ABHD8: variants seen among roughly 807,000 people sequenced by gnomAD.
The protein encoded by ABHD8 is abhydrolase domain containing 8.
A neutral mutation model predicts 29.3 loss-of-function variants in ABHD8; 10 were observed. The observed-to-expected ratio is 0.34, with a 90% confidence interval of 0.21 to 0.58. The LOEUF (loss-of-function observed/expected upper bound fraction) is 0.58, where lower values mean the gene tolerates loss of function less well. ABHD8 is among the 20% of genes least tolerant of loss of function. The probability of loss-of-function intolerance (pLI) is 0.85; values close to 1 mark genes in which losing one functional copy is unlikely to be tolerated. For synonymous variants in ABHD8, 282 were observed against 274.6 expected (o/e 1.03, Z -0.27); for missense variants, 556 against 615.3 (o/e 0.90, Z 1.02).
Position 17,294,236 on chromosome 19 carries a change from G to A in ABHD8, c.1149+52C>T, listed in dbSNP as rs1009034203. 3.8e-6 allele frequency: 6 copies of A among 1,570,812 alleles called. No homozygotes were observed. In the African/African-American group the frequency reaches 5.4e-5, roughly 14 times the overall value. On this transcript the variant is annotated intron_variant, in intron 4 of 4. Transcript: ENST00000247706. ...CCCCCGCAGAGGCCACGCCCCTCCC[G>A]GGCAGCACCCTGGGGATTTGTAGCT...
rs1183347600 is a variant in ABHD8 at position 17,292,440 on chromosome 19, C to G, written c.*221G>C. The G allele has an allele frequency of 5.4e-6, 3 of 556,344 alleles. No individual in the cohort carries two copies. The African/African-American group carries it at 6.0e-5, about 11-fold the overall frequency. 34.5% of individuals were successfully genotyped at this position (556,344 alleles called of 1,614,324 possible). On this transcript the variant is annotated 3_prime_UTR_variant, in exon 5 of 5. Coordinates refer to ENST00000247706, the MANE Select transcript of ABHD8 (RefSeq NM_024527.5). ...GAGGGTCCCGGCTGCGGCCCCAAAA[C>G]GCCGATGGGCCCCGCGGGACGGAAG...
Position 17,301,191 on chromosome 19 carries a change from ACTGCCG to A in ABHD8, c.420_425del (p.Ser144_Gly145del), listed in dbSNP as rs748998381. On this transcript the variant is annotated inframe_deletion, in exon 2 of 5. Transcript: ENST00000247706. ...CTCGCCGCCGCCGCCCACCACTGCCACTGCCGCTGCCGCTGCCTGCGCTGCCGGGGG... is the reference window on the plus strand; with the variant it reads ...CTCGCCGCCGCCGCCCACCACTGCCACTGCCGCTGCCTGCGCTGCCGGGGG... 10 of 1,604,478 alleles carry A rather than the reference ACTGCCG, an allele frequency of 6.2e-6. No individual in the cohort carries two copies. The South Asian group carries it at 8.8e-5, about 14-fold the overall frequency.
At chr19:17,295,260 C>T (rs1208350167) in intron 2 of ABHD8, among the ~76,000 whole-genome samples, 1 of 151,930 alleles carries the variant, frequency 6.6e-6, no homozygotes, top group Non-Finnish European at 1.5e-5. Flanking sequence ...CGCCCGCCAC[C>T]GCGCCCGGCT....
In ABHD8 at chr19:17,301,377, G is replaced by C; in HGVS notation, c.240C>G (p.Arg80=). ...GCCCATTGCGGTACACGGTGATCCG[G>C]CGCTGACAGCGGACCAAGCCGGAGA... ...GDLSGLVRCQ[R]RITVYRNGRL... The change falls in exon 2 of 5, where the codon CGC becomes CGG. Residue 80 remains arginine, a synonymous_variant. Coordinates refer to ENST00000247706, the MANE Select transcript of ABHD8 (RefSeq NM_024527.5). 6.2e-7 allele frequency: 1 copy of C among 1,611,218 alleles called. No individual in the cohort carries two copies. The highest frequency in any genetic ancestry group is 8.5e-7 in the Non-Finnish European group (1 of 1,179,920).
Position 17,300,907 on chromosome 19 carries a change from A to G in ABHD8, c.710T>C (p.Ile237Thr). The change falls in exon 2 of 5, where the codon ATC becomes ACC. Residue 237 changes from isoleucine (I) to threonine (T), a missense_variant. Physicochemically the swap from Ile to Thr is moderately conservative, Grantham distance 89. Transcript: ENST00000247706. ...FYALAEDMRA[I>T]FKRYAKKRNV... ...TCGCTTCTTGGCATAGCGCTTGAAG[A>G]TTGCTCGCATGTCCTCAGCCAGCGC... The G allele has an allele frequency of 6.2e-7, 1 of 1,607,636 alleles. No homozygotes were observed. Among genetic ancestry groups the G allele is most frequent in the Non-Finnish European group, 8.5e-7 (1 of 1,175,604 alleles).
chr19:17,295,065 A>T (rs1186191121), intron 2 of ABHD8, among the ~76,000 whole-genome samples: 2 of 147,414 alleles, frequency 1.4e-5, no homozygotes, highest in Non-Finnish European at 3.0e-5. Flanking sequence ...CTGAGATTGC[A>T]GGCGCACACC....
At chr19:17,293,002 G>C in intron 4 of ABHD8, 171 bp from the exon 5 acceptor site, 1 of 695,866 alleles carries the variant, frequency 1.4e-6, no homozygotes, top group Non-Finnish European at 2.2e-6. Context: ...ATGGCCTGTA[G>C]CCCTGCTGGA....
chr19:17,301,090 A>T lies in ABHD8; in HGVS notation c.527T>A (p.Val176Glu). 1 of 1,613,442 alleles carries T rather than the reference A, an allele frequency of 6.2e-7. No homozygotes were observed. The highest frequency in any genetic ancestry group is 1.1e-5 in the South Asian group (1 of 91,090). The change falls in exon 2 of 5, where the codon GTG (valine) becomes GAG (glutamate). Residue 176 changes from valine (V) to glutamate (E), a missense_variant. By Grantham distance (121) the Val-to-Glu change is moderately radical (BLOSUM62 -2). Coordinates refer to ENST00000247706, the MANE Select transcript of ABHD8 (RefSeq NM_024527.5). ...ITSCKGAQAD[V>E]VLFFIHGVGG... Reference sequence around the variant, plus strand: ...GACACCATGGATGAAAAAGAGCACCACGTCGGCCTGGGCGCCTTTGCAGCT... The same window carrying T: ...GACACCATGGATGAAAAAGAGCACCTCGTCGGCCTGGGCGCCTTTGCAGCT...
chr19:17,301,392 C>T lies in ABHD8; in HGVS notation c.225G>A (p.Leu75=), dbSNP rs1198619549. 2 of 1,611,764 alleles carry T rather than the reference C, an allele frequency of 1.2e-6. No homozygotes were observed. The highest frequency in any genetic ancestry group is 1.7e-5 in the Admixed American group (1 of 60,008). Reference sequence around the variant, plus strand: ...CGGTGATCCGGCGCTGACAGCGGACCAAGCCGGAGAGGTCCCCCTGGGCTG... The same window carrying T: ...CGGTGATCCGGCGCTGACAGCGGACTAAGCCGGAGAGGTCCCCCTGGGCTG... ...SDAAQGDLSG[L]VRCQRRITVY... The change falls in exon 2 of 5, where the codon TTG becomes TTA. Residue 75 remains leucine, a synonymous_variant. Transcript: ENST00000247706.
At position 17,301,644 on chromosome 19, in the gene ABHD8, C is replaced by T. The variant is rs374747961; in HGVS notation, c.-8-20G>A. The T allele has an allele frequency of 4.6e-6, 7 of 1,518,326 alleles. No homozygotes were observed. The highest frequency in any genetic ancestry group is 4.0e-4 in the Middle Eastern group (2 of 5,020). 94.1% of individuals were successfully genotyped at this position (1,518,326 alleles called of 1,614,324 possible). ...TGTGTCCTGTGAGTGAGGACAGCAG[C>T]CAGTTCAGGTGCTGTCTCAATGAGA... On this transcript the variant is annotated intron_variant, in intron 1 of 4. Coordinates refer to ENST00000247706, the MANE Select transcript of ABHD8 (RefSeq NM_024527.5).
At chr19:17,300,068 C>T (rs2074110709) in intron 2 of ABHD8, among the ~76,000 whole-genome samples, 1 of 151,544 alleles carries the variant, frequency 6.6e-6, no homozygotes, top group Non-Finnish European at 1.5e-5. Flanking sequence ...CCACACCCAG[C>T]TAATTTTTTG....
rs748727592 is a variant in ABHD8, at chr19:17,301,368, G to A, written c.249C>T (p.Thr83=). The change falls in exon 2 of 5, where the codon ACC becomes ACT. Residue 83 remains threonine, a synonymous_variant. Coordinates refer to ENST00000247706, the MANE Select transcript of ABHD8 (RefSeq NM_024527.5). ...CCAGCAACCGCCCATTGCGGTACAC[G>A]GTGATCCGGCGCTGACAGCGGACCA... ...SGLVRCQRRI[T]VYRNGRLLVE... 1.9e-6 allele frequency: 3 copies of A among 1,610,890 alleles called. No individual in the cohort carries two copies. The highest frequency in any genetic ancestry group is 2.2e-5 in the East Asian group (1 of 44,874).
Position 17,294,765 on chromosome 19 carries a change from G to T in ABHD8, c.842C>A (p.Thr281Lys), listed in dbSNP as rs1257742043. ...KVIMINGGGP[T>K]ALEPSFCSIF... ...TGAGCAGAAGCTGGGCTCCAGCGCC[G>T]TAGGGCCCCCGCCATTGATCATGAT... Residue 281 changes from threonine (T) to lysine (K), a missense_variant, in exon 3 of 5, where the codon ACG becomes AAG. Physicochemically the swap from Thr to Lys is moderately conservative, Grantham distance 78 (BLOSUM62 -1). This residue lies in a region of ABHD8 where 270 missense variants were observed against 353.9 expected (regional missense o/e 0.76). Transcript: ENST00000247706. The T allele has an allele frequency of 6.2e-7, 1 of 1,614,036 alleles. No homozygotes were observed. Among genetic ancestry groups the T allele is most frequent in the African/African-American group, 1.3e-5 (1 of 74,954 alleles).
chr19:17,294,209 GCCC>G, intron 4 of ABHD8, 76 bp downstream of exon 4: 1 of 1,495,758 alleles, frequency 6.7e-7, no homozygotes, highest in African/African-American at 1.4e-5. Context: ...GCGCTACCAC[GCCC>G]CCCGCAGAGG....
In ABHD8 at chr19:17,292,529, G is replaced by A; in HGVS notation, c.*132C>T. ...CGCCCCGCCCAGGCAGCCTGGGGGC[G>A]TCTCCCTGACCTGGCCCCGCCCACC... On this transcript the variant is annotated 3_prime_UTR_variant, in exon 5 of 5. Transcript: ENST00000247706. 2 of 1,112,422 alleles carry A rather than the reference G, an allele frequency of 1.8e-6. No individual in the cohort carries two copies. Among genetic ancestry groups the A allele is most frequent in the Non-Finnish European group, 2.4e-6 (2 of 826,722 alleles). 68.9% of individuals were successfully genotyped at this position (1,112,422 alleles called of 1,614,324 possible).
chr19:17,295,068 C>A (rs896568605), intron 2 of ABHD8, among the ~76,000 whole-genome samples: 9 of 150,604 alleles, frequency 6.0e-5, no homozygotes, highest in African/African-American at 2.2e-4. Context: ...AGATTGCAGG[C>A]GCACACCACC....
At position 17,292,503 on chromosome 19, in the gene ABHD8, A is replaced by C. The variant is rs2074075082; in HGVS notation, c.*158T>G. 5 of 872,786 alleles carry C rather than the reference A, an allele frequency of 5.7e-6. No homozygotes were observed. The highest frequency in any genetic ancestry group is 4.9e-6 in the Non-Finnish European group (3 of 613,516). The allele number at this position is 872,786 out of a possible 1,614,324, so 54.1% of individuals were successfully genotyped here. On this transcript the variant is annotated 3_prime_UTR_variant, in exon 5 of 5. Transcript: ENST00000247706. ...TGTCCGCTGGGCTCCCTCGGATGCC[A>C]CGCCCCGCCCAGGCAGCCTGGGGGC...
Position 17,301,499 on chromosome 19 carries a change from G to T in ABHD8, c.118C>A (p.Pro40Thr), listed in dbSNP as rs776077620. Reference protein sequence around the residue: ...SDGYTFVEVKPGRVLRVKHAG... With the variant: ...SDGYTFVEVKTGRVLRVKHAG... ...TGCTTCACCCGCAGCACGCGGCCGG[G>T]CTTGACCTCTACAAAGGTGTAGCCA... The change falls in exon 2 of 5, where the codon CCC becomes ACC. Residue 40 changes from proline to threonine, a missense_variant. By Grantham distance (38) the Pro-to-Thr change is conservative. This residue lies in a region of ABHD8 where 286 missense variants were observed against 261.4 expected (regional missense o/e 1.09). Transcript: ENST00000247706. The T allele has an allele frequency of 6.2e-7, 1 of 1,611,864 alleles. No individual in the cohort carries two copies. The highest frequency in any genetic ancestry group is 1.7e-5 in the Admixed American group (1 of 59,946).
chr19:17,293,389 G>T (rs977408789), intron 4 of ABHD8, among the ~76,000 whole-genome samples: 11 of 149,762 alleles, frequency 7.3e-5, no homozygotes, highest in African/African-American at 2.5e-4. Context: ...GAGCCACCGC[G>T]CCCGGCCTGG....
Sources: allele counts gnomAD v4.1 joint callset (sites outside exome capture counted in the v4.1 genomes callset), GRCh38; gene constraint gnomAD v4.1.1; regional missense constraint gnomAD v4.1.1; transcripts MANE v1.5; gene names NCBI Gene and HGNC (gene_info 2026-07-23, HGNC 2026-07-21).